BMPR2: variants seen among roughly 807,000 people sequenced by gnomAD.
BMPR2 encodes bone morphogenetic protein receptor type-2.
BMPR2 carries 29 observed loss-of-function variants against 100.8 expected under a neutral mutation model. That is an observed-to-expected ratio of 0.29 (90% CI 0.21 to 0.39). The LOEUF (loss-of-function observed/expected upper bound fraction) is 0.39, where lower values mean the gene tolerates loss of function less well. Among genes scored for constraint, BMPR2 ranks in the 10% least tolerant of loss-of-function variants. The pLI is 1.00. For synonymous variants in BMPR2, 382 were observed against 442.3 expected, an observed-to-expected ratio of 0.86 and a Z score of 1.71; for missense variants, 1,011 against 1,274.5, an observed-to-expected ratio of 0.79 and a Z score of 3.15.
Position 202,377,400 on chromosome 2 carries a change from C to G in BMPR2, c.-75C>G. 7.0e-7 allele frequency: 1 copy of G among 1,433,620 alleles called. No homozygotes were observed. The allele number at this position is 1,433,620 out of a possible 1,614,324, so 88.8% of individuals were successfully genotyped here. ...TCAGTCCACGGGAGAGAAGACGAGC[C>G]TCCCGGCTGTTTCTCCGCCGGTCTA... On this transcript the variant is annotated 5_prime_UTR_variant, in exon 1 of 13. Transcript: ENST00000374580.
chr2:202,556,961 T>TA (rs531705607), intron 12 of BMPR2, among the ~76,000 whole-genome samples: 65 of 151,368 alleles, frequency 4.3e-4, no homozygotes, highest in Non-Finnish European at 8.1e-4. Flanking sequence ...CGTGCACCTG[T>TA]AATCCCAGCC....
intron 1 of BMPR2, among the ~76,000 whole-genome samples, chr2:202,415,220 A>G (rs1320369197): frequency 6.6e-6 from 1 of 152,122 alleles, no homozygotes; most frequent in Non-Finnish European, 1.5e-5. Flanking sequence ...CTGTAATCCC[A>G]GCACTTTGGG....
At chr2:202,541,917 G>C (rs1003752449) in intron 9 of BMPR2, among the ~76,000 whole-genome samples, 1 of 152,038 alleles carries the variant, frequency 6.6e-6, no homozygotes, top group South Asian at 2.1e-4. Context: ...TTCAAGACCA[G>C]CCTGGCCAAC....
At position 202,493,088 on chromosome 2, in the gene BMPR2, C is replaced by T. The variant is rs752195386; in HGVS notation, c.419-20631C>T. Reference sequence around the variant, plus strand: ...TTTGTAGAGCAGTTAGGAAAATTGACGAGGGATCTTTGAGTGACATAGTCT... The same window carrying T: ...TTTGTAGAGCAGTTAGGAAAATTGATGAGGGATCTTTGAGTGACATAGTCT... On this transcript the variant is annotated intron_variant, in intron 3 of 12. Coordinates refer to ENST00000374580, the MANE Select transcript of BMPR2 (RefSeq NM_001204.7). Among the ~76,000 whole-genome samples, 7 of 152,190 alleles carry T rather than the reference C, an allele frequency of 4.6e-5. No homozygotes were observed. The South Asian group carries it at 1.0e-3, about 23-fold the overall frequency.
chr2:202,416,202 T>C (rs188620969), intron 1 of BMPR2, among the ~76,000 whole-genome samples: 3 of 152,142 alleles, frequency 2.0e-5, no homozygotes, highest in African/African-American at 7.2e-5. Context: ...AATTAGAAGT[T>C]GAACCTGAAG....
At chr2:202,542,972 T>A (rs566530969) in intron 10 of BMPR2, among the ~76,000 whole-genome samples, 2 of 151,704 alleles carry the variant, frequency 1.3e-5, no homozygotes, top group East Asian at 3.9e-4. Context: ...AGCTCAGGAG[T>A]TCGCGACCAG....
At chr2:202,409,709 G>C (rs986968205) in intron 1 of BMPR2, among the ~76,000 whole-genome samples, 6 of 152,110 alleles carry the variant, frequency 3.9e-5, no homozygotes, top group African/African-American at 1.4e-4. Context: ...ACACTGAAGG[G>C]GTTGGGGAAG....
At chr2:202,489,773 CAG>C (rs1692860200) in intron 3 of BMPR2, among the ~76,000 whole-genome samples, 1 of 152,112 alleles carries the variant, frequency 6.6e-6, no homozygotes, top group South Asian at 2.1e-4. Context: ...AAAACATGGA[CAG>C]AATTTTTAGA....
At chr2:202,494,221 A>C (rs529682267) in intron 3 of BMPR2, among the ~76,000 whole-genome samples, 3 of 152,374 alleles carry the variant, frequency 2.0e-5, no homozygotes, top group African/African-American at 7.2e-5. Context: ...TTTTGGATTT[A>C]AATGTTTTTC....
intron 1 of BMPR2, among the ~76,000 whole-genome samples, chr2:202,440,114 A>G (rs1417159378): frequency 6.6e-6 from 1 of 150,646 alleles, no homozygotes; most frequent in Non-Finnish European, 1.5e-5. Context: ...TCCCATGTCT[A>G]CTTCTTTCTA....
At chr2:202,472,116 C>T (rs532634582) in intron 3 of BMPR2, among the ~76,000 whole-genome samples, 166 of 152,238 alleles carry the variant, frequency 1.1e-3, no homozygotes, top group African/African-American at 3.9e-3. Context: ...AAATATAGCA[C>T]ATCTCAAGAA....
rs1211293766 is a variant in BMPR2, at chr2:202,563,225, C to G, written c.*3279C>G. 1 of 152,156 alleles carries G rather than the reference C, an allele frequency of 6.6e-6. No individual in the cohort carries two copies. The allele number at this position is 152,156 out of a possible 1,614,324, so 9.4% of individuals were successfully genotyped here. A position where few individuals can be genotyped will look rare whatever the true frequency, so the allele number is the denominator to read the frequency against. On this transcript the variant is annotated 3_prime_UTR_variant, in exon 13 of 13. Transcript: ENST00000374580. ...GAGCCGGGTGGATCATGAGGTCAGACGTTCAACACCAGCCTGGCCAAGATG... is the reference window on the plus strand; with the variant it reads ...GAGCCGGGTGGATCATGAGGTCAGAGGTTCAACACCAGCCTGGCCAAGATG...
chr2:202,534,338 T>C (rs1351888823), intron 9 of BMPR2, among the ~76,000 whole-genome samples: 2 of 151,610 alleles, frequency 1.3e-5, no homozygotes, highest in African/African-American at 4.8e-5. Context: ...AGGACAATAG[T>C]GGAGGGAAGG....
chr2:202,499,621 T>G (rs1300005083), intron 3 of BMPR2, among the ~76,000 whole-genome samples: 1 of 152,136 alleles, frequency 6.6e-6, no homozygotes, highest in East Asian at 1.9e-4. Flanking sequence ...GAAAATATAC[T>G]CCCCTGTCAC....
Position 202,486,881 on chromosome 2 carries a change from T to G in BMPR2, c.418+19192T>G, listed in dbSNP as rs909404184. On this transcript the variant is annotated intron_variant, in intron 3 of 12. Transcript: ENST00000374580. ...CCTCTACAAGAAATTTTTAAAAAAA[T>G]TAGCTGGGTGTGGTGGTGCACGCCT... is the stretch of plus-strand genomic sequence containing the variant. 2.0e-5 allele frequency among the ~76,000 whole-genome samples: 3 copies of G among 148,984 alleles called. No individual in the cohort carries two copies. In the South Asian group the frequency reaches 6.4e-4, roughly 32 times the overall value.
At position 202,525,927 on chromosome 2, in the gene BMPR2, G is replaced by A. The variant is rs187457887; in HGVS notation, c.968-4867G>A. ...GCTGCTCAGGCTGGAGTGCAATGGT[G>A]CGATCTCAGCTCACTGCAACCTCCG... is the stretch of plus-strand genomic sequence containing the variant. On this transcript the variant is annotated intron_variant, in intron 7 of 12. Coordinates refer to ENST00000374580, the MANE Select transcript of BMPR2 (RefSeq NM_001204.7). Among the ~76,000 whole-genome samples the A allele has an allele frequency of 1.4e-3, 205 of 142,526 alleles. 1 individual carries two copies. The highest frequency in any genetic ancestry group is 5.1e-3 in the African/African-American group (189 of 37,164). The allele number at this position is 142,526 out of a possible 152,430, so 93.5% of individuals were successfully genotyped here. A position where few individuals can be genotyped will look rare whatever the true frequency, so the allele number is the denominator to read the frequency against.
intron 1 of BMPR2, among the ~76,000 whole-genome samples, chr2:202,444,835 C>G (rs1459145091): frequency 6.6e-6 from 1 of 150,792 alleles, no homozygotes; most frequent in East Asian, 1.9e-4. Flanking sequence ...GTTTCCCAGG[C>G]TGAAGTGCAA....
At chr2:202,492,989 T>A (rs1317773789) in intron 3 of BMPR2, among the ~76,000 whole-genome samples, 2 of 152,178 alleles carry the variant, frequency 1.3e-5, no homozygotes, top group African/African-American at 4.8e-5. Context: ...GCTTTCACTT[T>A]GATAGTCAAA....
chr2:202,526,645 A>G, intron 7 of BMPR2, among the ~76,000 whole-genome samples: 1 of 152,208 alleles, frequency 6.6e-6, no homozygotes, highest in East Asian at 1.9e-4. Flanking sequence ...AGAACTTAAA[A>G]TACCATCCTA....
Sources: allele counts gnomAD v4.1 joint callset (sites outside exome capture counted in the v4.1 genomes callset), GRCh38; gene constraint gnomAD v4.1.1; transcripts MANE v1.5; gene names NCBI Gene and HGNC (gene_info 2026-07-23, HGNC 2026-07-21).